DSCAM: variants seen among roughly 807,000 people sequenced by gnomAD.
The protein encoded by DSCAM is DS cell adhesion molecule.
Under a neutral mutation model 217.7 loss-of-function variants are expected in DSCAM, and 47 were observed. That is an observed-to-expected ratio of 0.22 (90% CI 0.17 to 0.28). The LOEUF (loss-of-function observed/expected upper bound fraction) is 0.28, where lower values mean the gene tolerates loss of function less well. Ranked by LOEUF, DSCAM falls within the 10% of genes least tolerant of loss-of-function variation. The pLI is 1.00. For synonymous variants in DSCAM, 1,056 were observed against 1,015.3 expected (o/e 1.04, Z -0.76); for missense variants, 2,080 against 2,618.3 (o/e 0.79, Z 4.49).
At chr21:40,823,711 A>C (rs1334586406) in intron 1 of DSCAM, among the ~76,000 whole-genome samples, 1 of 152,202 alleles carries the variant, frequency 6.6e-6, no homozygotes, top group Non-Finnish European at 1.5e-5. Context: ...TGTATACTTT[A>C]ATTTCAAGAG....
At chr21:40,387,597 G>A (rs1251369870) in intron 3 of DSCAM, among the ~76,000 whole-genome samples, 7 of 152,180 alleles carry the variant, frequency 4.6e-5, no homozygotes, top group Non-Finnish European at 8.8e-5. Context: ...GGAGCACTGA[G>A]AAATGTTTAC....
chr21:40,163,589 T>C (rs1008453801), intron 16 of DSCAM, among the ~76,000 whole-genome samples: 1 of 152,010 alleles, frequency 6.6e-6, no homozygotes, highest in African/African-American at 2.4e-5. Flanking sequence ...CATCATAATA[T>C]AGCCTATAGA....
intron 3 of DSCAM, among the ~76,000 whole-genome samples, chr21:40,598,511 T>TTG (rs1277959674): frequency 1.4e-5 from 2 of 139,390 alleles, no homozygotes; most frequent in African/African-American, 5.4e-5. Flanking sequence ...TTTTTTTTTT[T>TTG]TTTTTTTTTT....
At chr21:40,730,065 T>C (rs2146523562) in intron 1 of DSCAM, among the ~76,000 whole-genome samples, 1 of 152,290 alleles carries the variant, frequency 6.6e-6, no homozygotes, top group Admixed American at 6.5e-5. Flanking sequence ...ACCTATGAAA[T>C]GTGGCTTGGG....
chr21:40,367,679 T>A (rs1569088058), intron 4 of DSCAM, among the ~76,000 whole-genome samples: 1 of 152,192 alleles, frequency 6.6e-6, no homozygotes, highest in Non-Finnish European at 1.5e-5. Context: ...TTTTGTGGCA[T>A]GTGACTCTGT....
At chr21:40,648,598 A>C (rs1049567330) in intron 3 of DSCAM, among the ~76,000 whole-genome samples, 1 of 152,062 alleles carries the variant, frequency 6.6e-6, no homozygotes, top group African/African-American at 2.4e-5. Context: ...CCCACCCTTC[A>C]TCTATTTTAC....
At chr21:40,359,249 T>A (rs1287897347) in intron 4 of DSCAM, among the ~76,000 whole-genome samples, 1 of 152,220 alleles carries the variant, frequency 6.6e-6, no homozygotes, top group Admixed American at 6.5e-5. Context: ...AGCCTTCACA[T>A]CCACATCACA....
chr21:40,722,961 G>A (rs1165457475), intron 1 of DSCAM, among the ~76,000 whole-genome samples: 1 of 151,574 alleles, frequency 6.6e-6, no homozygotes, highest in Non-Finnish European at 1.5e-5. Context: ...ATTCATCAAG[G>A]TGACATAACA....
intron 32 of DSCAM, among the ~76,000 whole-genome samples, chr21:40,028,421 G>A: frequency 6.6e-6 from 1 of 150,824 alleles, no homozygotes; most frequent in African/African-American, 2.4e-5. Context: ...AGCAAGCCTG[G>A]GCAATGGCGG....
intron 3 of DSCAM, among the ~76,000 whole-genome samples, chr21:40,446,788 T>C (rs2075678695): frequency 6.6e-6 from 1 of 152,180 alleles, no homozygotes; most frequent in African/African-American, 2.4e-5. Flanking sequence ...ACATGTTCCC[T>C]AAGAAATCTA....
At chr21:40,368,999 T>A in intron 4 of DSCAM, 100 bp downstream of exon 4, 1 of 1,324,372 alleles carries the variant, frequency 7.6e-7, no homozygotes. Flanking sequence ...AATTGAAGGC[T>A]CCATTTTAGT....
intron 20 of DSCAM, among the ~76,000 whole-genome samples, chr21:40,105,837 C>T (rs889669914): frequency 6.6e-6 from 1 of 152,178 alleles, no homozygotes; most frequent in Non-Finnish European, 1.5e-5. Context: ...AGATTTAGAA[C>T]CACATTCCAT....
At chr21:40,151,985 G>C (rs146594612) in intron 16 of DSCAM, among the ~76,000 whole-genome samples, 161 of 152,200 alleles carry the variant, frequency 1.1e-3, no homozygotes, top group African/African-American at 3.7e-3. Context: ...AAGAGAATTT[G>C]CTCACTTACT....
intron 3 of DSCAM, among the ~76,000 whole-genome samples, chr21:40,507,578 C>T (rs1331390425): frequency 6.6e-6 from 1 of 151,872 alleles, no homozygotes; most frequent in Non-Finnish European, 1.5e-5. Context: ...ATCACTCGAG[C>T]TCAGGAGTTT....
Position 40,682,828 on chromosome 21 carries a change from G to A in DSCAM, c.508+9982C>T, listed in dbSNP as rs1252032041. Among the ~76,000 whole-genome samples the A allele has an allele frequency of 1.7e-3, 185 of 109,836 alleles. 25 individuals carry two copies. The highest frequency in any genetic ancestry group is 2.1e-3 in the East Asian group (8 of 3,796). The allele number at this position is 109,836 out of a possible 152,430, so 72.1% of individuals were successfully genotyped here. A position where few individuals can be genotyped will look rare whatever the true frequency, so the allele number is the denominator to read the frequency against. On this transcript the variant is annotated intron_variant, in intron 3 of 32. Coordinates refer to ENST00000400454, the MANE Select transcript of DSCAM (RefSeq NM_001389.5). ...GGGAAGGGAAGGGAAGGGAAGGGAA[G>A]GGAAGGGAAGGGAAGGGAAGGGAAG... is the stretch of plus-strand genomic sequence containing the variant.
At chr21:40,667,712 G>A (rs1056920561) in intron 3 of DSCAM, among the ~76,000 whole-genome samples, 5 of 152,058 alleles carry the variant, frequency 3.3e-5, no homozygotes, top group South Asian at 4.1e-4. Context: ...GCTTTTCCCC[G>A]CTTTTGCTTG....
At chr21:40,306,009 T>C (rs535992484) in intron 9 of DSCAM, among the ~76,000 whole-genome samples, 1,595 of 152,136 alleles carry the variant, frequency 0.01, 27 homozygotes, top group African/African-American at 0.037. Context: ...GGGGATGGCA[T>C]TGAATCTATA....
At chr21:40,662,800 C>G (rs916624792) in intron 3 of DSCAM, among the ~76,000 whole-genome samples, 1 of 152,294 alleles carries the variant, frequency 6.6e-6, no homozygotes, top group Non-Finnish European at 1.5e-5. Context: ...CACCAGCACC[C>G]TGCGGGCATC....
chr21:40,359,232 G>A (rs2074730604), intron 4 of DSCAM, among the ~76,000 whole-genome samples: 1 of 152,180 alleles, frequency 6.6e-6, no homozygotes. Context: ...TGGCTTGCTG[G>A]AGTGCCAGCC....
Sources: allele counts gnomAD v4.1 joint callset (sites outside exome capture counted in the v4.1 genomes callset), GRCh38; gene constraint gnomAD v4.1.1; transcripts MANE v1.5; gene names NCBI Gene and HGNC (gene_info 2026-07-23, HGNC 2026-07-21).